CDH22: variants seen among roughly 807,000 people sequenced by gnomAD.
The protein encoded by CDH22 is cadherin 22.
In CDH22, 30 loss-of-function variants were observed where a neutral mutation model predicts 58.4. The observed-to-expected ratio is 0.51, with a 90% CI of 0.38 to 0.70. The LOEUF (loss-of-function observed/expected upper bound fraction) is 0.70, where lower values mean the gene tolerates loss of function less well. Among genes scored for constraint, CDH22 ranks in the 30% least tolerant of loss-of-function variants. The pLI is 0.00. For synonymous variants in CDH22, 513 were observed against 558.2 expected, an observed-to-expected ratio of 0.92 and a Z score of 1.14; for missense variants, 1,014 against 1,233.9, an observed-to-expected ratio of 0.82 and a Z score of 2.67.
At chr20:46,189,082 T>C (rs1246386426) in intron 8 of CDH22, among the ~76,000 whole-genome samples, 1 of 151,978 alleles carries the variant, frequency 6.6e-6, no homozygotes, top group Non-Finnish European at 1.5e-5. Flanking sequence ...GAAACAGAGA[T>C]AGGAAGGCAG....
chr20:46,191,312 G>A (rs553931248), intron 8 of CDH22, among the ~76,000 whole-genome samples: 3 of 152,260 alleles, frequency 2.0e-5, no homozygotes, highest in South Asian at 4.1e-4. Context: ...CAAAGGCCCT[G>A]GGGTGGGAGG....
intron 6 of CDH22, among the ~76,000 whole-genome samples, chr20:46,211,582 G>C (rs994307332): frequency 6.6e-6 from 1 of 152,142 alleles, no homozygotes; most frequent in Non-Finnish European, 1.5e-5. Flanking sequence ...TGGAGTGGGC[G>C]GCAGGAGGGG....
chr20:46,178,290 C>G (rs934147522), intron 10 of CDH22, 93 bp from the exon 11 acceptor site: 12 of 1,409,422 alleles, frequency 8.5e-6, no homozygotes, highest in African/African-American at 1.4e-5. Flanking sequence ...AGATTTGCCT[C>G]CCTATGCCCC....
intron 10 of CDH22, among the ~76,000 whole-genome samples, chr20:46,183,165 C>A: frequency 6.6e-6 from 1 of 152,158 alleles, no homozygotes; most frequent in Non-Finnish European, 1.5e-5. Flanking sequence ...ATAGGCAGGG[C>A]TGTACTGGTT....
At chr20:46,213,446 T>C (rs888563593) in intron 5 of CDH22, among the ~76,000 whole-genome samples, 2 of 152,202 alleles carry the variant, frequency 1.3e-5, no homozygotes, top group Admixed American at 1.3e-4. Flanking sequence ...TGCAGTTCTT[T>C]GGGCCTCAGT....
intron 8 of CDH22, among the ~76,000 whole-genome samples, chr20:46,195,513 C>A (rs2085892867): frequency 6.6e-6 from 1 of 152,068 alleles, no homozygotes. Flanking sequence ...TAGCTATTAC[C>A]CCTCCAGATC....
intron 3 of CDH22, among the ~76,000 whole-genome samples, chr20:46,235,489 C>T (rs766007987): frequency 6.6e-6 from 1 of 152,238 alleles, no homozygotes; most frequent in Admixed American, 6.5e-5. Flanking sequence ...ATCCAACTGT[C>T]CCCTTGACAT....
intron 1 of CDH22, among the ~76,000 whole-genome samples, chr20:46,265,603 T>C (rs1384881605): frequency 6.6e-6 from 1 of 152,198 alleles, no homozygotes; most frequent in Non-Finnish European, 1.5e-5. Context: ...CCATCTTAGT[T>C]TAGTCTTGCT....
chr20:46,227,559 C>T lies in CDH22; in HGVS notation c.619G>A (p.Val207Met), dbSNP rs745388311. The T allele has an allele frequency of 3.7e-6, 6 of 1,612,196 alleles. No individual in the cohort carries two copies. Among genetic ancestry groups the T allele is most frequent in the Non-Finnish European group, 5.1e-6 (6 of 1,179,476 alleles). ...DPTYGSSARL[V>M]YSVLDGEHHF... ...TGCTCGCCGTCCAGCACGCTGTACA[C>T]CAGCCGAGCGCTGCTGCCGTACGTG... Residue 207 changes from valine to methionine, a missense_variant, in exon 4 of 12, where the codon GTG (valine) becomes ATG (methionine). This residue lies in a region of CDH22 where 806 missense variants were observed against 1,038.7 expected (regional missense o/e 0.78). Transcript: ENST00000537909.
chr20:46,214,715 C>G (rs1240771960), intron 5 of CDH22, among the ~76,000 whole-genome samples: 1 of 152,218 alleles, frequency 6.6e-6, no homozygotes, highest in African/African-American at 2.4e-5. Context: ...GCTCTGCCTT[C>G]TAGTCTCACT....
chr20:46,304,202 G>T (rs1055726420), intron 1 of CDH22, among the ~76,000 whole-genome samples: 2 of 152,272 alleles, frequency 1.3e-5, no homozygotes, highest in Admixed American at 1.3e-4. Flanking sequence ...TCCTGCAGGG[G>T]TGCAGGCAGC....
intron 8 of CDH22, among the ~76,000 whole-genome samples, chr20:46,194,182 G>C (rs1280289985): frequency 6.6e-6 from 1 of 152,154 alleles, no homozygotes; most frequent in Non-Finnish European, 1.5e-5. Flanking sequence ...GCCCACCCGT[G>C]AACTCTCAGG....
chr20:46,217,915 T>C, intron 4 of CDH22, among the ~76,000 whole-genome samples: 1 of 151,620 alleles, frequency 6.6e-6, no homozygotes, highest in East Asian at 1.9e-4. Flanking sequence ...TTTTTTTCTT[T>C]TTCTTTTTTC....
At position 46,241,692 on chromosome 20, in the gene CDH22, A is replaced by C. The variant is rs2086291191; in HGVS notation, c.256-435T>G. Among the ~76,000 whole-genome samples, 1 of 151,684 alleles carries C rather than the reference A, an allele frequency of 6.6e-6. No homozygotes were observed. The highest frequency in any genetic ancestry group is 1.5e-5 in the Non-Finnish European group (1 of 67,772). On this transcript the variant is annotated intron_variant, in intron 2 of 11. Coordinates refer to ENST00000537909, the MANE Select transcript of CDH22 (RefSeq NM_021248.3). The surrounding 1 kb of genome is among the most constrained non-coding windows in gnomAD (Gnocchi z 5.2). ...GAAAGTCTCTCATCCTGCAAAGTGC[A>C]ACAAAAATGCCACCTCTTTCAGAAA...
chr20:46,215,226 G>A (rs955171235), intron 5 of CDH22, among the ~76,000 whole-genome samples: 2 of 152,176 alleles, frequency 1.3e-5, no homozygotes, highest in African/African-American at 2.4e-5. Context: ...GTTCAAAGCA[G>A]TCTCCTTCCC....
At chr20:46,260,534 C>T (rs1286234329) in intron 1 of CDH22, among the ~76,000 whole-genome samples, 5 of 152,228 alleles carry the variant, frequency 3.3e-5, no homozygotes, top group Non-Finnish European at 2.9e-5. Context: ...CACACACATA[C>T]CTGGCAGAGC....
chr20:46,210,516 C>T lies in CDH22; in HGVS notation c.1077G>A (p.Glu359=), dbSNP rs143234046. ...GGGGGTCCACGAACTTGTTGAGGGC[C>T]TCCAGGATCACGGTGTGCACGGGCT... ...ESQPVHTVIL[E]ALNKFVDPRF... is the part of the protein sequence containing the mutation. The change falls in exon 7 of 12, where the codon GAG becomes GAA. Residue 359 remains glutamate (E), a synonymous_variant. Transcript: ENST00000537909. This position sits in a 1 kb window ranked among gnomAD's most constrained non-coding sequence, Gnocchi z 4.5. 1.4e-6 allele frequency: 2 copies of T among 1,436,722 alleles called. No homozygotes were observed. The highest frequency in any genetic ancestry group is 1.8e-6 in the Non-Finnish European group (2 of 1,093,100). 89.0% of individuals were successfully genotyped at this position (1,436,722 alleles called of 1,614,324 possible).
chr20:46,293,801 G>C (rs1243754600), intron 1 of CDH22, among the ~76,000 whole-genome samples: 2 of 152,168 alleles, frequency 1.3e-5, no homozygotes, highest in Non-Finnish European at 2.9e-5. Context: ...CGTATCACGA[G>C]GTCAGGAGTT....
intron 2 of CDH22, among the ~76,000 whole-genome samples, chr20:46,245,200 C>T (rs1056297731): frequency 9.2e-5 from 14 of 152,206 alleles, no homozygotes; most frequent in Non-Finnish European, 1.5e-4. Context: ...ACCACACAGA[C>T]TCAAATCCTG....
Sources: allele counts gnomAD v4.1 joint callset (sites outside exome capture counted in the v4.1 genomes callset), GRCh38; gene constraint gnomAD v4.1.1; regional missense constraint gnomAD v4.1.1; non-coding constraint Gnocchi (gnomAD v3.1); transcripts MANE v1.5; gene names NCBI Gene and HGNC (gene_info 2026-07-23, HGNC 2026-07-21).